INTS4: variants seen among roughly 807,000 people sequenced by gnomAD.
The protein encoded by INTS4 is integrator complex subunit 4.
INTS4 carries 70 observed loss-of-function variants against 119.5 expected under a neutral mutation model. The ratio of observed to expected loss-of-function variants is 0.59; its 90% CI spans 0.48 to 0.71. INTS4 has a LOEUF of 0.71. INTS4 is among the 30% of genes least tolerant of loss of function. The pLI is 0.00. For synonymous variants in INTS4, 316 were observed against 419.6 expected, an observed-to-expected ratio of 0.75 and a Z score of 3.02; for missense variants, 867 against 1,173.2, an observed-to-expected ratio of 0.74 and a Z score of 3.81.
At chr11:77,984,847 G>C (rs1856388730) in intron 2 of INTS4, among the ~76,000 whole-genome samples, 1 of 148,146 alleles carries the variant, frequency 6.8e-6, no homozygotes, top group Non-Finnish European at 1.5e-5. Flanking sequence ...CTGCACTCCA[G>C]CCTGGAGTGA....
intron 8 of INTS4, among the ~76,000 whole-genome samples, chr11:77,944,993 C>T (rs1954013865): frequency 6.6e-6 from 1 of 152,006 alleles, no homozygotes; most frequent in Non-Finnish European, 1.5e-5. Flanking sequence ...AAAAAGGGAC[C>T]AAAATAACAA....
intron 8 of INTS4, among the ~76,000 whole-genome samples, chr11:77,943,417 C>T (rs1298553410): frequency 6.6e-6 from 1 of 152,044 alleles, no homozygotes; most frequent in Non-Finnish European, 1.5e-5. Context: ...TAGGGGATGT[C>T]AAGAAGGAAG....
At chr11:77,968,337 T>C (rs1237034554) in intron 4 of INTS4, among the ~76,000 whole-genome samples, 1 of 152,194 alleles carries the variant, frequency 6.6e-6, no homozygotes, top group Non-Finnish European at 1.5e-5. Flanking sequence ...TTCTGACACA[T>C]GTTACAATGT....
At chr11:77,951,222 C>G (rs1489224576) in intron 8 of INTS4, among the ~76,000 whole-genome samples, 1 of 152,088 alleles carries the variant, frequency 6.6e-6, no homozygotes, top group Non-Finnish European at 1.5e-5. Flanking sequence ...GATTTATAAT[C>G]CTTTGGGTAT....
chr11:77,908,068 G>A (rs1953003982), intron 15 of INTS4, among the ~76,000 whole-genome samples: 1 of 43,638 alleles, frequency 2.3e-5, no homozygotes, highest in East Asian at 6.8e-4. Flanking sequence ...TTGATTCATA[G>A]CTTTACACTG....
intron 18 of INTS4, among the ~76,000 whole-genome samples, chr11:77,898,520 C>T (rs1952631000): frequency 6.6e-6 from 1 of 152,228 alleles, no homozygotes; most frequent in Non-Finnish European, 1.5e-5. Flanking sequence ...AAATCTTCAT[C>T]TTCATCTTAG....
chr11:77,876,082 T>C (rs1012742711), downstream of INTS4, among the ~76,000 whole-genome samples: 74 of 152,226 alleles, frequency 4.9e-4, no homozygotes, highest in Non-Finnish European at 7.4e-4. Flanking sequence ...TCCATCAGTA[T>C]ACAAACAGTA....
rs571203224 is a variant in INTS4 at position 77,908,462 on chromosome 11, G to A, written c.1923-652C>T. Among the ~76,000 whole-genome samples the A allele has an allele frequency of 2.0e-5, 3 of 151,896 alleles. No individual in the cohort carries two copies. The East Asian group carries it at 5.8e-4, about 29-fold the overall frequency. ...TCCTGCCTTAGCCTCCTGACTAGCT[G>A]GGATTGCAGACGCACACCAGCACAC... is the stretch of plus-strand genomic sequence containing the variant. On this transcript the variant is annotated intron_variant, in intron 15 of 22. Transcript: ENST00000534064.
At chr11:77,979,586 C>T (rs1351403631) in intron 3 of INTS4, among the ~76,000 whole-genome samples, 2 of 151,944 alleles carry the variant, frequency 1.3e-5, no homozygotes, top group African/African-American at 4.8e-5. Context: ...ATGTCTGAGT[C>T]CTCCACGGGA....
chr11:77,962,706 A>C (rs527509801), intron 4 of INTS4, among the ~76,000 whole-genome samples: 2 of 151,556 alleles, frequency 1.3e-5, no homozygotes, highest in East Asian at 3.9e-4. Context: ...CTTGTATTTT[A>C]TTTTTTTTCA....
At chr11:77,888,261 A>G (rs1192068262) in intron 21 of INTS4, among the ~76,000 whole-genome samples, 1 of 152,238 alleles carries the variant, frequency 6.6e-6, no homozygotes, top group Non-Finnish European at 1.5e-5. Flanking sequence ...GCCCTCAGAA[A>G]TAATGCCACA....
intron 3 of INTS4, 119 bp downstream of exon 3, chr11:77,981,340 A>G: frequency 2.2e-6 from 1 of 459,544 alleles, no homozygotes; most frequent in Non-Finnish European, 3.8e-6. Flanking sequence ...TGGTTTCATT[A>G]AATTATCCTC....
In INTS4 at chr11:77,938,764, C is replaced by A. The variant is rs1160013407; in HGVS notation, c.1052G>T (p.Gly351Val). 47 of 1,611,914 alleles carry A rather than the reference C, an allele frequency of 2.9e-5. No homozygotes were observed. Among genetic ancestry groups the A allele is most frequent in the Non-Finnish European group, 3.9e-5 (46 of 1,179,880 alleles). Residue 351 changes from glycine to valine, a missense_variant, in exon 10 of 23, where the codon GGC becomes GTC. By Grantham distance (109) the Gly-to-Val change is moderately radical (BLOSUM62 -3). Around this residue, in one of 5 missense-constraint regions of INTS4, gnomAD observed 208 missense variants for 306.6 expected, o/e 0.68. Coordinates refer to ENST00000534064, the MANE Select transcript of INTS4 (RefSeq NM_033547.4). ...ELYSSGEFSS[G>V]RKWGDDAPKE... ...GGGAGCATCATCTCCCCACTTTCTG[C>A]CACTGGAAAACTCCCCCGAACTGTA...
chr11:77,930,830 T>C (rs1377287701), intron 10 of INTS4, among the ~76,000 whole-genome samples: 3 of 152,096 alleles, frequency 2.0e-5, no homozygotes, highest in Non-Finnish European at 4.4e-5. Flanking sequence ...AAAAAGTTAA[T>C]TAAAAATAAA....
At position 77,907,829 on chromosome 11, in the gene INTS4, C is replaced by T; in HGVS notation, c.1923-19G>A. On this transcript the variant is annotated intron_variant, in intron 15 of 22. Coordinates refer to ENST00000534064, the MANE Select transcript of INTS4 (RefSeq NM_033547.4). ...CAGATCCCTATAGTAAATAAAACCCCCAAGGCAAACACAGGATAAGGATAA... is the reference window on the plus strand; with the variant it reads ...CAGATCCCTATAGTAAATAAAACCCTCAAGGCAAACACAGGATAAGGATAA... The T allele has an allele frequency of 6.7e-7, 1 of 1,501,488 alleles. No homozygotes were observed. The highest frequency in any genetic ancestry group is 9.3e-7 in the Non-Finnish European group (1 of 1,080,492). 93.0% of individuals were successfully genotyped at this position (1,501,488 alleles called of 1,614,324 possible).
At chr11:77,946,189 G>A (rs1954043942) in intron 8 of INTS4, among the ~76,000 whole-genome samples, 1 of 152,176 alleles carries the variant, frequency 6.6e-6, no homozygotes, top group South Asian at 2.1e-4. Context: ...GGCAACTGAG[G>A]CAATTGCAAA....
intron 8 of INTS4, among the ~76,000 whole-genome samples, chr11:77,947,284 G>A (rs926041985): frequency 5.3e-5 from 8 of 152,198 alleles, no homozygotes; most frequent in Admixed American, 1.3e-4. Context: ...GGAGAAATAC[G>A]GACATCCAGA....
intron 21 of INTS4, among the ~76,000 whole-genome samples, chr11:77,887,550 T>C (rs372138743): frequency 2.0e-5 from 3 of 152,158 alleles, no homozygotes; most frequent in Non-Finnish European, 4.4e-5. Flanking sequence ...CTATTCAACA[T>C]AGTGTTGGAA....
chr11:77,979,903 G>A (rs1347435272), intron 3 of INTS4, among the ~76,000 whole-genome samples: 8 of 150,314 alleles, frequency 5.3e-5, no homozygotes, highest in Non-Finnish European at 8.9e-5. Flanking sequence ...GCTTGAACCC[G>A]GGAGGCGGAG....
Sources: gnomAD v4.1 joint callset for allele counts (sites outside exome capture counted in the v4.1 genomes callset) on GRCh38, gnomAD v4.1.1 for gene constraint, gnomAD v4.1.1 regional missense constraint, MANE v1.5 for transcripts, NCBI Gene and HGNC (gene_info 2026-07-23, HGNC 2026-07-21) for gene names.